RGN: variants seen among roughly 807,000 people sequenced by gnomAD.
The protein encoded by RGN is epididymis secretory protein Li 41.
Under a neutral mutation model 20.6 loss-of-function variants are expected in RGN, and 19 were observed. The observed-to-expected ratio is 0.92, with a 90% CI of 0.64 to 1.35. RGN has a LOEUF of 1.35. Ranked by LOEUF, RGN falls within the 40% of genes most tolerant of loss-of-function variation. The pLI is 0.00. For synonymous variants in RGN, 85 were observed against 87.2 expected (o/e 0.97, Z 0.14); for missense variants, 302 against 232.7 (o/e 1.30, Z -1.94).
chrX:47,089,519 A>C (rs113946498), intron 4 of RGN, among the ~76,000 whole-genome samples: 1 of 38,552 alleles, frequency 2.6e-5, no homozygotes, highest in Non-Finnish European at 4.7e-5. Context: ...ATATATACAT[A>C]TTATATATAC....
rs782459512 is a variant in RGN, at chrX:47,091,797, G to C, written c.682G>C (p.Asp228His). Residue 228 changes from aspartate (D) to histidine (H), a missense_variant, in exon 6 of 8, where the codon GAT becomes CAT. Coordinates refer to ENST00000397180, the MANE Select transcript of RGN (RefSeq NM_152869.4). Reference sequence around the variant, plus strand: ...CAATGGAGGAAGAGTGATTCGTTTAGATCCTGTGACAGGTAGGCCTGCAGC... The same window carrying C: ...CAATGGAGGAAGAGTGATTCGTTTACATCCTGTGACAGGTAGGCCTGCAGC... Reference protein sequence around the residue: ...CYNGGRVIRLDPVTGKRLQTV... With the variant: ...CYNGGRVIRLHPVTGKRLQTV... The C allele has an allele frequency of 3.3e-6, 4 of 1,208,199 alleles. No homozygotes were observed. The highest frequency in any genetic ancestry group is 1.8e-5 in the South Asian group (1 of 56,306).
At chrX:47,082,270 A>G (rs782723229) in intron 3 of RGN, among the ~76,000 whole-genome samples, 1 of 105,396 alleles carries the variant, frequency 9.5e-6, no homozygotes, top group East Asian at 3.0e-4. Flanking sequence ...TAATCTTGGG[A>G]CATTCTTTCT....
At position 47,084,591 on chromosome X, in the gene RGN, T is replaced by C. The variant is rs782645556; in HGVS notation, c.337T>C (p.Tyr113His). The change falls in exon 4 of 8, where the codon TAC (tyrosine) becomes CAC (histidine). Residue 113 changes from tyrosine (Y) to histidine (H), a missense_variant. Physicochemically the swap from Tyr to His is moderately conservative, Grantham distance 83. Transcript: ENST00000397180. The part of the protein sequence containing the change: ...NDGKVDPAGR[Y>H]FAGTMAEETA... ...TGGGAAGGTGGATCCCGCCGGGAGG[T>C]ACTTTGCTGGTAAGATTTCTCTTAA... 12 of 1,183,366 alleles carry C rather than the reference T, an allele frequency of 1.0e-5. No homozygotes were observed. The East Asian group carries it at 3.7e-4, about 36-fold the overall frequency.
chrX:47,086,734 G>GGAGAGAGAGAGAGA (rs781935920), intron 4 of RGN, among the ~76,000 whole-genome samples: 37 of 50,485 alleles, frequency 7.3e-4, no homozygotes, highest in Non-Finnish European at 8.1e-4. Flanking sequence ...AGTGATAACA[G>GGAGAGAGAGAGAGA]GAGAGAGAGA....
chrX:47,081,041 T>G (rs1411806019), intron 2 of RGN, 89 bp from the exon 3 acceptor site: 11 of 622,685 alleles, frequency 1.8e-5, no homozygotes. Flanking sequence ...CTGGGGGAAG[T>G]GTATCCAGCC....
rs1034189050 is a variant in RGN, at chrX:47,089,771, T to G, written c.347-5T>G. 1.7e-6 allele frequency: 2 copies of G among 1,200,458 alleles called. No individual in the cohort carries two copies. Among genetic ancestry groups the G allele is most frequent in the Admixed American group, 4.5e-5 (2 of 44,593 alleles). ...GCAGAGCTCAGTGCTCTTTGGTTTTTGTAGGCACCATGGCTGAGGAAACAG... is the reference window on the plus strand; with the variant it reads ...GCAGAGCTCAGTGCTCTTTGGTTTTGGTAGGCACCATGGCTGAGGAAACAG... On this transcript the variant is annotated splice_polypyrimidine_tract_variant and splice_region_variant and intron_variant, in intron 4 of 7. Transcript: ENST00000397180.
chrX:47,090,976 G>C (rs1459822388), intron 5 of RGN, among the ~76,000 whole-genome samples: 4 of 105,437 alleles, frequency 3.8e-5, no homozygotes, highest in African/African-American at 1.4e-4. Context: ...AAGAAAGAAA[G>C]AAAGAAAGAT....
At position 47,080,898 on chromosome X, in the gene RGN, G is replaced by A. The variant is rs782697861; in HGVS notation, c.-54G>A. The A allele has an allele frequency of 1.4e-4, 45 of 332,653 alleles. No homozygotes were observed. The highest frequency in any genetic ancestry group is 1.2e-3 in the African/African-American group (44 of 37,563). The allele number at this position is 332,653 out of a possible 1,213,427, so 27.4% of individuals were successfully genotyped here. A position where few individuals can be genotyped will look rare whatever the true frequency, so the allele number is the denominator to read the frequency against. On this transcript the variant is annotated 5_prime_UTR_variant, in exon 2 of 8. Coordinates refer to ENST00000397180, the MANE Select transcript of RGN (RefSeq NM_152869.4). Reference sequence around the variant, plus strand: ...GTGGAGGTCAGAGTGTCACTTTTTTGTTTTCTTTTTGAAAGATCATTCGAG... The same window carrying A: ...GTGGAGGTCAGAGTGTCACTTTTTTATTTTCTTTTTGAAAGATCATTCGAG...
At chrX:47,084,298 G>A (rs1930482538) in intron 3 of RGN, 120 bp from the exon 4 acceptor site, 3 of 529,171 alleles carry the variant, frequency 5.7e-6, no homozygotes, top group Non-Finnish European at 9.0e-6. Context: ...AAGGAAGAGA[G>A]CGCTCCCATT....
intron 7 of RGN, 65 bp from the exon 8 acceptor site, chrX:47,092,832 A>T: frequency 1.0e-6 from 1 of 956,746 alleles, no homozygotes; most frequent in Non-Finnish European, 1.5e-6. Context: ...AAATCATAAA[A>T]ATGCTTTTGA....
At chrX:47,081,574 G>T (rs1228223137) in intron 3 of RGN, among the ~76,000 whole-genome samples, 1 of 109,051 alleles carries the variant, frequency 9.2e-6, no homozygotes, top group Non-Finnish European at 1.9e-5. Flanking sequence ...TTGAGACAGG[G>T]TCTCACCGTG....
chrX:47,081,078 C>T (rs1930275524), intron 2 of RGN, 52 bp from the exon 3 acceptor site: 1 of 909,289 alleles, frequency 1.1e-6, no homozygotes. Context: ...AGGTGTTTTA[C>T]TGTATTTGTT....
At chrX:47,089,657 A>G (rs1448314234) in intron 4 of RGN, 119 bp from the exon 5 acceptor site, 7 of 382,646 alleles carry the variant, frequency 1.8e-5, no homozygotes, top group Non-Finnish European at 2.6e-5. Flanking sequence ...CCCAGATTGG[A>G]ATTGTATAGT....
intron 4 of RGN, among the ~76,000 whole-genome samples, chrX:47,086,465 A>G (rs1478118273): frequency 1.8e-5 from 2 of 111,125 alleles, no homozygotes; most frequent in Non-Finnish European, 3.8e-5. Flanking sequence ...TAAAATAAGA[A>G]ATATTTATTA....
Position 47,081,211 on chromosome X carries a change from G to A in RGN, c.67G>A (p.Glu23Lys), listed in dbSNP as rs1556381163. 8.3e-7 allele frequency: 1 copy of A among 1,205,823 alleles called. No homozygotes were observed. The highest frequency in any genetic ancestry group is 3.0e-5 in the East Asian group (1 of 33,825). Residue 23 changes from glutamate (E) to lysine (K), a missense_variant, in exon 3 of 8, where the codon GAG becomes AAG. Physicochemically the swap from Glu to Lys is moderately conservative, Grantham distance 56. Transcript: ENST00000397180. ...NCRCGESPVW[E>K]EVSNSLLFVD... Reference sequence around the variant, plus strand: ...CCGGTGTGGTGAGTCTCCAGTATGGGAGGAAGTGTCCAACTCTCTGCTCTT... The same window carrying A: ...CCGGTGTGGTGAGTCTCCAGTATGGAAGGAAGTGTCCAACTCTCTGCTCTT...
At chrX:47,083,234 T>C (rs1930424310) in intron 3 of RGN, among the ~76,000 whole-genome samples, 1 of 109,508 alleles carries the variant, frequency 9.1e-6, no homozygotes, top group South Asian at 3.9e-4. Context: ...ACCGTGTCTC[T>C]ACTAAAAATA....
chrX:47,082,997 G>A (rs1556382137), intron 3 of RGN, among the ~76,000 whole-genome samples: 1 of 110,987 alleles, frequency 9.0e-6, no homozygotes, highest in African/African-American at 3.3e-5. Context: ...TACACTGAAG[G>A]GGTGCTTAGG....
chrX:47,091,971 C>A, intron 6 of RGN, 90 bp from the exon 7 acceptor site: 1 of 960,269 alleles, frequency 1.0e-6, no homozygotes, highest in Non-Finnish European at 1.4e-6. Context: ...GAATCCTGAC[C>A]TCCACAGTCT....
Position 47,081,307 on chromosome X carries a change from G to A in RGN, c.163G>A (p.Asp55Asn). The change falls in exon 3 of 8, where the codon GAT (aspartate) becomes AAT (asparagine). Residue 55 changes from aspartate (D) to asparagine (N), a missense_variant and splice_region_variant. Asp to Asn is a conservative substitution (Grantham distance 23, BLOSUM62 1). Transcript: ENST00000397180. ...CAAGCAAGTACAGCGAGTGACCATGGGTAAGGATGAAGGCTGGACTCAGAT... is the reference window on the plus strand; with the variant it reads ...CAAGCAAGTACAGCGAGTGACCATGAGTAAGGATGAAGGCTGGACTCAGAT... ...FTKQVQRVTM[D>N]APVSSVALRQ... 8.3e-7 allele frequency: 1 copy of A among 1,209,626 alleles called. No individual in the cohort carries two copies. The highest frequency in any genetic ancestry group is 1.1e-6 in the Non-Finnish European group (1 of 894,210).
Sources: allele counts gnomAD v4.1 joint callset (sites outside exome capture counted in the v4.1 genomes callset), GRCh38; gene constraint gnomAD v4.1.1; transcripts MANE v1.5; gene names NCBI Gene and HGNC (gene_info 2026-07-23, HGNC 2026-07-21).